The following CHD3 variants were observed in gnomAD, a reference collection of about 807,000 sequenced individuals.
The protein encoded by CHD3 is chromodomain helicase DNA binding protein 3.
A neutral mutation model predicts 248.9 loss-of-function variants in CHD3; 52 were observed. That is an observed-to-expected ratio of 0.21 (90% CI 0.17 to 0.26). CHD3 has a LOEUF of 0.26. Ranked by LOEUF, CHD3 falls within the 10% of genes least tolerant of loss-of-function variation. The probability of loss-of-function intolerance (pLI) is 1.00; values close to 1 mark genes in which losing one functional copy is unlikely to be tolerated. For missense variants in CHD3, 1,482 were observed against 2,605.8 expected, an observed-to-expected ratio of 0.57 and a Z score of 9.39; for synonymous variants, 985 against 985.2, an observed-to-expected ratio of 1.00 and a Z score of 0.00.
Position 7,912,714 on chromosome 17 carries a change from A to G in CHD3, c.*1129A>G, listed in dbSNP as rs1414201454. 1 of 124,314 alleles carries G rather than the reference A, an allele frequency of 8.0e-6. No individual in the cohort carries two copies. Among genetic ancestry groups the G allele is most frequent in the Non-Finnish European group, 1.6e-5 (1 of 63,694 alleles). 7.7% of individuals were successfully genotyped at this position (124,314 alleles called of 1,614,324 possible). Reference sequence around the variant, plus strand: ...GGTCTGTCCTGATCCCCTCTTCTGTATCAGGTTTATTGGTTGTACATATAA... The same window carrying G: ...GGTCTGTCCTGATCCCCTCTTCTGTGTCAGGTTTATTGGTTGTACATATAA... On this transcript the variant is annotated 3_prime_UTR_variant, in exon 40 of 40. Transcript: ENST00000330494.
In CHD3 at chr17:7,904,664, A is replaced by G. The variant is rs929670100; in HGVS notation, c.4072+45A>G. On this transcript the variant is annotated intron_variant, in intron 25 of 39. Coordinates refer to ENST00000330494, the MANE Select transcript of CHD3 (RefSeq NM_001005273.3). This position sits in a 1 kb window ranked among gnomAD's most constrained non-coding sequence, Gnocchi z 4.4. Reference sequence around the variant, plus strand: ...CAGGCAGTAAAGGGGGGAAGTGATGATGAGTAGGGACTTGAAGGCTGGAGC... The same window carrying G: ...CAGGCAGTAAAGGGGGGAAGTGATGGTGAGTAGGGACTTGAAGGCTGGAGC... 7.1e-6 allele frequency: 11 copies of G among 1,553,556 alleles called. No individual in the cohort carries two copies. Among genetic ancestry groups the G allele is most frequent in the Non-Finnish European group, 9.7e-6 (11 of 1,132,556 alleles).
rs2151465885 is a variant in CHD3 at position 7,890,566 on chromosome 17, C to T, written c.214-5C>T. ...ATAAATGTTATTTTTATTTCTTTCT[C>T]TTAGGACAGTGAGGAGGAATTTGGT... On this transcript the variant is annotated splice_region_variant and splice_polypyrimidine_tract_variant and intron_variant, in intron 2 of 39. Coordinates refer to ENST00000330494, the MANE Select transcript of CHD3 (RefSeq NM_001005273.3). 3 of 1,568,280 alleles carry T rather than the reference C, an allele frequency of 1.9e-6. No homozygotes were observed. The highest frequency in any genetic ancestry group is 2.6e-6 in the Non-Finnish European group (3 of 1,159,922).
In CHD3 at chr17:7,909,724, A is replaced by G. The variant is rs988048554; in HGVS notation, c.5590+386A>G. 2 of 229,100 alleles carry G rather than the reference A, an allele frequency of 8.7e-6. No homozygotes were observed. The highest frequency in any genetic ancestry group is 1.0e-4 in the Admixed American group (2 of 19,174). The allele number at this position is 229,100 out of a possible 1,614,324, so 14.2% of individuals were successfully genotyped here. On this transcript the variant is annotated intron_variant, in intron 37 of 39. Coordinates refer to ENST00000330494, the MANE Select transcript of CHD3 (RefSeq NM_001005273.3). The surrounding 1 kb of genome is among the most constrained non-coding windows in gnomAD (Gnocchi z 8.1). ...ATCCCTGGCTGTGATCAAACAAATC[A>G]CATTCCCTCACATGTGTTTCACCCC...
At position 7,897,187 on chromosome 17, in the gene CHD3, C is replaced by T. The variant is rs368773406; in HGVS notation, c.1812C>T (p.Ser604=). Residue 604 remains serine (S), a synonymous_variant, in exon 11 of 40, where the codon AGC becomes AGT. Transcript: ENST00000330494. The surrounding 1 kb of genome is among the most constrained non-coding windows in gnomAD (Gnocchi z 4.8). ...DYGSGEDDGK[S]DKRKVKDPHY... ...GCTCCGGCGAGGATGATGGGAAGAGCGACAAGCGTAAAGTGAAAGACCCGC... is the reference window on the plus strand; with the variant it reads ...GCTCCGGCGAGGATGATGGGAAGAGTGACAAGCGTAAAGTGAAAGACCCGC... 9 of 1,614,092 alleles carry T rather than the reference C, an allele frequency of 5.6e-6. No individual in the cohort carries two copies. Among genetic ancestry groups the T allele is most frequent in the Non-Finnish European group, 7.6e-6 (9 of 1,179,986 alleles).
At chr17:7,901,899 C>A (rs568913770) in intron 20 of CHD3, among the ~76,000 whole-genome samples, 1 of 152,222 alleles carries the variant, frequency 6.6e-6, no homozygotes, top group South Asian at 2.1e-4. Context: ...GGTGAGCCAT[C>A]TGCCTCCTTA....
chr17:7,901,061 G>A (rs1970240005), intron 19 of CHD3, 68 bp downstream of exon 19: 1 of 1,574,608 alleles, frequency 6.4e-7, no homozygotes, highest in East Asian at 2.2e-5. Context: ...GAGTAGTGGG[G>A]AGGTGGGTAT....
rs758665200 is a variant in CHD3, at chr17:7,907,625, G to T, written c.4949G>T (p.Arg1650Met). The T allele has an allele frequency of 6.6e-7, 1 of 1,521,642 alleles. No homozygotes were observed. Among genetic ancestry groups the T allele is most frequent in the Non-Finnish European group, 8.8e-7 (1 of 1,138,930 alleles). The allele number at this position is 1,521,642 out of a possible 1,614,324, so 94.3% of individuals were successfully genotyped here. ...KSATESTPGERGEEKPLDGQE... is the reference protein window; with the variant it reads ...KSATESTPGEMGEEKPLDGQE... ...GCCACAGAGTCGACGCCAGGAGAAA[G>T]GGGGGAGGAGAAGCCGTTGGATGGA... The change falls in exon 33 of 40, where the codon AGG (arginine) becomes ATG (methionine). Residue 1650 changes from arginine to methionine, a missense_variant. Coordinates refer to ENST00000330494, the MANE Select transcript of CHD3 (RefSeq NM_001005273.3). The surrounding 1 kb of genome is among the most constrained non-coding windows in gnomAD (Gnocchi z 4.3).
At chr17:7,885,713 AC>A (rs1022613913), upstream of CHD3, among the ~76,000 whole-genome samples, 8 of 151,090 alleles carry the variant, frequency 5.3e-5, no homozygotes, top group Admixed American at 3.9e-4. Flanking sequence ...TGTCCATCGG[AC>A]CCCCCTCCAC....
Position 7,890,698 on chromosome 17 carries a change from A to T in CHD3, c.341A>T (p.Lys114Met), listed in dbSNP as rs376670741. 16 of 1,526,422 alleles carry T rather than the reference A, an allele frequency of 1.0e-5. No individual in the cohort carries two copies. Among genetic ancestry groups the T allele is most frequent in the Non-Finnish European group, 1.3e-5 (15 of 1,130,120 alleles). The allele number at this position is 1,526,422 out of a possible 1,614,324, so 94.6% of individuals were successfully genotyped here. A position where few individuals can be genotyped will look rare whatever the true frequency, so the allele number is the denominator to read the frequency against. ...RRKHREKKEKKTKRRKKGEGD... is the reference protein window; with the variant it reads ...RRKHREKKEKMTKRRKKGEGD... ...AAGCACCGAGAAAAAAAGGAGAAGA[A>T]GACAAAGCGGCGGAAAAAGGGGGAG... Residue 114 changes from lysine (K) to methionine (M), a missense_variant, in exon 3 of 40, where the codon AAG becomes ATG. Physicochemically the swap from Lys to Met is moderately conservative, Grantham distance 95 (BLOSUM62 -1). This residue lies in a region of CHD3 where 169 missense variants were observed against 168.1 expected (regional missense o/e 1.01). Transcript: ENST00000330494.
In CHD3 at chr17:7,889,130, C is replaced by A; in HGVS notation, c.100+30C>A. ...TTATCCGAGGAAATGTAAATAGAGG[C>A]CTCCCTCTTGGCAAAAGGATGTCAG... On this transcript the variant is annotated intron_variant, in intron 1 of 39. Transcript: ENST00000330494. The surrounding 1 kb of genome is among the most constrained non-coding windows in gnomAD (Gnocchi z 4.5). The A allele has an allele frequency of 1.2e-6, 2 of 1,613,786 alleles. No individual in the cohort carries two copies. The highest frequency in any genetic ancestry group is 1.7e-6 in the Non-Finnish European group (2 of 1,179,768).
In CHD3 at chr17:7,909,034, C is replaced by T; in HGVS notation, c.5395-109C>T. 11 of 1,472,134 alleles carry T rather than the reference C, an allele frequency of 7.5e-6. No individual in the cohort carries two copies. Among genetic ancestry groups the T allele is most frequent in the Non-Finnish European group, 1.0e-5 (11 of 1,087,430 alleles). The allele number at this position is 1,472,134 out of a possible 1,614,324, so 91.2% of individuals were successfully genotyped here. On this transcript the variant is annotated intron_variant, in intron 36 of 39. Coordinates refer to ENST00000330494, the MANE Select transcript of CHD3 (RefSeq NM_001005273.3). The surrounding 1 kb of genome is among the most constrained non-coding windows in gnomAD (Gnocchi z 8.1). ...GCAGTCGGTTTGGAGCTGGGAGTGC[C>T]CTGGGCCAGCAGTGAGGGCAGGGTG...
chr17:7,905,603 T>C lies in CHD3; in HGVS notation c.4139-18T>C. Reference sequence around the variant, plus strand: ...AGGAGGTGGTGGCTCAGCTAACTGATGTCATCCCCACCCTCAGGGCGTAGA... The same window carrying C: ...AGGAGGTGGTGGCTCAGCTAACTGACGTCATCCCCACCCTCAGGGCGTAGA... On this transcript the variant is annotated intron_variant, in intron 26 of 39. Coordinates refer to ENST00000330494, the MANE Select transcript of CHD3 (RefSeq NM_001005273.3). The surrounding 1 kb of genome is among the most constrained non-coding windows in gnomAD (Gnocchi z 5.8). 1 of 1,562,014 alleles carries C rather than the reference T, an allele frequency of 6.4e-7. No individual in the cohort carries two copies. Among genetic ancestry groups the C allele is most frequent in the South Asian group, 1.2e-5 (1 of 83,848 alleles).
Position 7,911,542 on chromosome 17 carries a change from G to A in CHD3, c.5960G>A (p.Arg1987Gln), listed in dbSNP as rs148625731. The change falls in exon 40 of 40, where the codon CGG (arginine) becomes CAG (glutamine). Residue 1987 changes from arginine to glutamine, a missense_variant. This residue lies in a region of CHD3 where 117 missense variants were observed against 137.2 expected (regional missense o/e 0.85). Coordinates refer to ENST00000330494, the MANE Select transcript of CHD3 (RefSeq NM_001005273.3). The surrounding 1 kb of genome is among the most constrained non-coding windows in gnomAD (Gnocchi z 5.4). ...GCATTGGTGTCAGACGGGCTGGATC[G>A]GAAGGAGCCCCGAGCCGGGGAGGTG... ...VGALVSDGLD[R>Q]KEPRAGEVIC... 1.5e-4 allele frequency: 245 copies of A among 1,614,204 alleles called. No individual in the cohort carries two copies. The highest frequency in any genetic ancestry group is 4.8e-4 in the Admixed American group (29 of 60,018).
chr17:7,898,126 C>T, intron 12 of CHD3, 24 bp downstream of exon 12: 1 of 1,611,822 alleles, frequency 6.2e-7, no homozygotes, highest in Non-Finnish European at 8.5e-7. Context: ...CTTGTGGATT[C>T]AAGGGATTCT....
At chr17:7,888,297 CTG>C (rs1442212091), upstream of CHD3, among the ~76,000 whole-genome samples, 1 of 152,230 alleles carries the variant, frequency 6.6e-6, no homozygotes, top group African/African-American at 2.4e-5. Flanking sequence ...GGCAGCGACT[CTG>C]AGGCAGTGGA....
At chr17:7,901,503 A>ATTTT in intron 20 of CHD3, 128 bp downstream of exon 20, 6 of 279,542 alleles carry the variant, frequency 2.1e-5, no homozygotes, top group South Asian at 1.1e-4. Flanking sequence ...CTCCTGTAAG[A>ATTTT]GTTTTTTTTT....
rs372837121 is a variant in CHD3 at position 7,905,440 on chromosome 17, T to A, written c.4139-181T>A. 6.6e-6 allele frequency among the ~76,000 whole-genome samples: 1 copy of A among 152,224 alleles called. No homozygotes were observed. Among genetic ancestry groups the A allele is most frequent in the African/African-American group, 2.4e-5 (1 of 41,448 alleles). On this transcript the variant is annotated intron_variant, in intron 26 of 39. Transcript: ENST00000330494. The surrounding 1 kb of genome is among the most constrained non-coding windows in gnomAD (Gnocchi z 5.8). ...GATATCAGCTGTTAATTTTAAAATATGACTGGTTCTTTTAGACTTAGTGGG... is the reference window on the plus strand; with the variant it reads ...GATATCAGCTGTTAATTTTAAAATAAGACTGGTTCTTTTAGACTTAGTGGG...
intron 12 of CHD3, 138 bp from the exon 13 acceptor site, chr17:7,898,358 A>G: frequency 1.3e-5 from 10 of 748,882 alleles, no homozygotes; most frequent in Non-Finnish European, 2.2e-5. Flanking sequence ...CCAAAGGGCA[A>G]GGGTAAAGAG....
Position 7,889,246 on chromosome 17 carries a change from C to T in CHD3, c.100+146C>T. On this transcript the variant is annotated intron_variant, in intron 1 of 39. Transcript: ENST00000330494. This position sits in a 1 kb window ranked among gnomAD's most constrained non-coding sequence, Gnocchi z 4.5. The stretch of plus-strand genomic sequence containing the variant: ...TTAGGGAGCTGCCAGCTTGTGTCTC[C>T]CCACTCCAAGTGCTGGGGTCAGGCC... 9.7e-7 allele frequency: 1 copy of T among 1,028,820 alleles called. No individual in the cohort carries two copies. Among genetic ancestry groups the T allele is most frequent in the Non-Finnish European group, 1.4e-6 (1 of 709,792 alleles). The allele number at this position is 1,028,820 out of a possible 1,614,324, so 63.7% of individuals were successfully genotyped here.
Sources: gnomAD v4.1 joint callset for allele counts (sites outside exome capture counted in the v4.1 genomes callset) on GRCh38, gnomAD v4.1.1 for gene constraint, gnomAD v4.1.1 regional missense constraint, Gnocchi (gnomAD v3.1) non-coding constraint, MANE v1.5 for transcripts, NCBI Gene and HGNC (gene_info 2026-07-23, HGNC 2026-07-21) for gene names.